Variants in RTTN observed in about 807,000 individuals in gnomAD.
RTTN encodes rotatin.
Under a neutral mutation model 269.2 loss-of-function variants are expected in RTTN, and 182 were observed. That is an observed-to-expected ratio of 0.68 (90% CI 0.60 to 0.76). The LOEUF is 0.76. RTTN is among the 30% of genes least tolerant of loss of function. The pLI, the probability that RTTN is intolerant of heterozygous loss-of-function variation, is 0.00. For synonymous variants in RTTN, 1,006 were observed against 963.5 expected (o/e 1.04, Z -0.82); for missense variants, 2,545 against 2,608.6 (o/e 0.98, Z 0.53).
At chr18:70,205,097 G>A (rs1362476748) in intron 2 of RTTN, 31 bp downstream of exon 2, 3 of 1,590,622 alleles carry the variant, frequency 1.9e-6, no homozygotes, top group South Asian at 2.2e-5. Flanking sequence ...TCACTCGTCT[G>A]ATTATTTTCT....
At chr18:70,074,242 T>G (rs891081236) in intron 33 of RTTN, among the ~76,000 whole-genome samples, 1 of 151,916 alleles carries the variant, frequency 6.6e-6, no homozygotes, top group Non-Finnish European at 1.5e-5. Context: ...GAGGCTCCAA[T>G]ACCCCAGGTC....
chr18:70,067,901 T>C (rs1183479694), intron 34 of RTTN, among the ~76,000 whole-genome samples: 1 of 152,212 alleles, frequency 6.6e-6, no homozygotes, highest in African/African-American at 2.4e-5. Flanking sequence ...TTCCTTAGTA[T>C]AGTCCACAGA....
At chr18:70,033,599 C>T (rs1328734833) in intron 40 of RTTN, among the ~76,000 whole-genome samples, 3 of 152,132 alleles carry the variant, frequency 2.0e-5, no homozygotes, top group Admixed American at 1.3e-4. Context: ...ATTTTGAGCG[C>T]TAAATGCCCA....
chr18:70,047,932 C>A (rs754628596), intron 40 of RTTN, 39 bp downstream of exon 40: 2 of 1,481,618 alleles, frequency 1.3e-6, no homozygotes, highest in Admixed American at 3.4e-5. Flanking sequence ...TTTATTTAAA[C>A]GCTAAATAAA....
In RTTN at chr18:70,060,041, A is replaced by C. The variant is rs2057933616; in HGVS notation, c.4749T>G (p.Gly1583=). 1 of 1,604,764 alleles carries C rather than the reference A, an allele frequency of 6.2e-7. No homozygotes were observed. Among genetic ancestry groups the C allele is most frequent in the African/African-American group, 1.3e-5 (1 of 74,564 alleles). ...GCCGTGGTGATGTACTTTCCTGGTG[A>C]CCTATTATTGAAAATAAACATAAGA... ...EASHDQFVAQ[G]HQESTSPRPP... is the part of the protein sequence containing the mutation. The change falls in exon 36 of 49, where the codon GGT becomes GGG. Residue 1583 remains glycine, a splice_region_variant and synonymous_variant. Transcript: ENST00000640769.
At chr18:70,145,516 C>G (rs1268460936) in intron 18 of RTTN, 96 bp downstream of exon 18, 1 of 892,258 alleles carries the variant, frequency 1.1e-6, no homozygotes, top group Non-Finnish European at 1.6e-6. Context: ...CTCTCCCTCC[C>G]CAGGACATAC....
intron 46 of RTTN, among the ~76,000 whole-genome samples, chr18:70,014,177 G>C (rs1051166639): frequency 2.6e-5 from 4 of 152,162 alleles, no homozygotes; most frequent in African/African-American, 9.7e-5. Context: ...ATTTTAATTA[G>C]TTTAAATTTA....
At chr18:70,107,031 A>G (rs1468702749) in intron 28 of RTTN, among the ~76,000 whole-genome samples, 2 of 152,226 alleles carry the variant, frequency 1.3e-5, no homozygotes, top group Non-Finnish European at 2.9e-5. Context: ...CATAAACAGC[A>G]AAAGCAAGAA....
At position 70,054,303 on chromosome 18, in the gene RTTN, G is replaced by A; in HGVS notation, c.5032-19C>T. On this transcript the variant is annotated intron_variant, in intron 37 of 48. Transcript: ENST00000640769. ...AGGAAACCTGTTTGAAAAGGAGACA[G>A]GGTCAAATCAAACATGCCATATAAA... is the stretch of plus-strand genomic sequence containing the variant. The A allele has an allele frequency of 6.3e-7, 1 of 1,588,886 alleles. No individual in the cohort carries two copies. The highest frequency in any genetic ancestry group is 1.8e-5 in the Admixed American group (1 of 56,598).
At chr18:70,197,423 G>T (rs1295760009) in intron 6 of RTTN, among the ~76,000 whole-genome samples, 1 of 152,194 alleles carries the variant, frequency 6.6e-6, no homozygotes, top group Non-Finnish European at 1.5e-5. Context: ...TGGACTGCAA[G>T]TGTCAAATGA....
chr18:70,024,989 T>TGGGGC, intron 43 of RTTN, 141 bp from the exon 44 acceptor site: 1 of 917,912 alleles, frequency 1.1e-6, no homozygotes, highest in Non-Finnish European at 1.6e-6. Context: ...CCCAGCCCCA[T>TGGGGC]TGGGCTCCAC....
intron 37 of RTTN, among the ~76,000 whole-genome samples, chr18:70,056,748 G>A (rs774472870): frequency 2.0e-5 from 3 of 152,154 alleles, no homozygotes; most frequent in African/African-American, 4.8e-5. Flanking sequence ...TGGGTCCCAC[G>A]ACACTGCCTA....
intron 11 of RTTN, among the ~76,000 whole-genome samples, chr18:70,170,973 C>T (rs746742785): frequency 2.0e-5 from 3 of 151,888 alleles, no homozygotes; most frequent in Admixed American, 6.6e-5. Flanking sequence ...TGACATTTAC[C>T]GAGACAGGCA....
At chr18:70,148,843 T>C (rs2060463087) in intron 17 of RTTN, 58 bp downstream of exon 17, 8 of 1,596,558 alleles carry the variant, frequency 5.0e-6, no homozygotes, top group East Asian at 2.2e-5. Context: ...ATAGTTACTA[T>C]ACTTTCTTAG....
chr18:70,053,275 C>T (rs1256255456), intron 38 of RTTN: 1 of 152,176 alleles, frequency 6.6e-6, no homozygotes, highest in East Asian at 1.9e-4. Flanking sequence ...ATTTTAATTT[C>T]TAAGATGTTT....
chr18:70,132,547 C>T (rs531088513), intron 23 of RTTN, among the ~76,000 whole-genome samples: 26 of 151,704 alleles, frequency 1.7e-4, no homozygotes, highest in African/African-American at 6.1e-4. Context: ...CTCTAAACAA[C>T]CCTTGCATCA....
In RTTN at chr18:70,204,262, T is replaced by G. The variant is rs1385733246; in HGVS notation, c.221A>C (p.Tyr74Ser). ...AACCAAATGTTGGACTGCTGGGGGA[T>G]ACTAAAATAAGAAGAGGATGATCTT... ...VLNLLSRLVK[Y>S]PPAVQHLVDV... The change falls in exon 3 of 49, where the codon TAT (tyrosine) becomes TCT (serine). Residue 74 changes from tyrosine to serine, a missense_variant and splice_region_variant. Tyr to Ser is a moderately radical substitution (Grantham distance 144). Coordinates refer to ENST00000640769, the MANE Select transcript of RTTN (RefSeq NM_173630.4). The G allele has an allele frequency of 2.5e-6, 4 of 1,600,758 alleles. No individual in the cohort carries two copies. The highest frequency in any genetic ancestry group is 3.4e-6 in the Non-Finnish European group (4 of 1,175,560).
chr18:70,183,340 C>A (rs965050850), intron 10 of RTTN, among the ~76,000 whole-genome samples: 1 of 152,096 alleles, frequency 6.6e-6, no homozygotes, highest in African/African-American at 2.4e-5. Flanking sequence ...CCACCCAGAC[C>A]ATGCTGAGAT....
At chr18:70,197,284 T>C (rs1206864252) in intron 6 of RTTN, among the ~76,000 whole-genome samples, 1 of 152,184 alleles carries the variant, frequency 6.6e-6, no homozygotes, top group Non-Finnish European at 1.5e-5. Context: ...GCACTGTGCG[T>C]TAAATAAACG....
Sources: allele counts gnomAD v4.1 joint callset (sites outside exome capture counted in the v4.1 genomes callset), GRCh38; gene constraint gnomAD v4.1.1; transcripts MANE v1.5; gene names NCBI Gene and HGNC (gene_info 2026-07-23, HGNC 2026-07-21).